Variants in GNPDA2 observed in about 807,000 individuals in gnomAD.
GNPDA2 encodes the protein glcN6P deaminase 2.
A neutral mutation model predicts 27.0 loss-of-function variants in GNPDA2; 24 were observed. The observed-to-expected ratio is 0.89, with a 90% CI of 0.64 to 1.25. The LOEUF (loss-of-function observed/expected upper bound fraction) is 1.25, where lower values mean the gene tolerates loss of function less well. Ranked by LOEUF, GNPDA2 falls within the 50% of genes most tolerant of loss-of-function variation. The probability of loss-of-function intolerance (pLI) is 0.00; values close to 1 mark genes in which losing one functional copy is unlikely to be tolerated. For synonymous variants in GNPDA2, 94 were observed against 108.4 expected (o/e 0.87, Z 0.83); for missense variants, 286 against 335.1 (o/e 0.85, Z 1.14).
chr4:44,724,196 A>G (rs1004049235), intron 1 of GNPDA2, among the ~76,000 whole-genome samples: 1 of 151,904 alleles, frequency 6.6e-6, no homozygotes, highest in African/African-American at 2.4e-5. Flanking sequence ...TTAGGAAGTC[A>G]GCACAAATTG....
At position 44,711,012 on chromosome 4, in the gene GNPDA2, A is replaced by G. The variant is rs1447537559; in HGVS notation, c.535T>C (p.Ser179Pro). 1.2e-6 allele frequency: 2 copies of G among 1,613,262 alleles called. No homozygotes were observed. The highest frequency in any genetic ancestry group is 1.7e-5 in the Admixed American group (1 of 59,886). Residue 179 changes from serine (S) to proline (P), a missense_variant, in exon 5 of 7, where the codon TCA becomes CCA. Ser to Pro is a moderately conservative substitution (Grantham distance 74). Transcript: ENST00000295448. Reference sequence around the variant, plus strand: ...GTTAGAGCCATAGTTGGCACTTTTGATAAATCTCCATCAAAATATTTGGCA... The same window carrying G: ...GTTAGAGCCATAGTTGGCACTTTTGGTAAATCTCCATCAAAATATTTGGCA... Reference protein sequence around the residue: ...ANAKYFDGDLSKVPTMALTVG... With the variant: ...ANAKYFDGDLPKVPTMALTVG...
chr4:44,717,056 T>A lies in GNPDA2; in HGVS notation c.409+57A>T. ...AATGGGAAGATTTATTTTTTAAATTTAAAAATCCCTAATTCAAACACTAAC... is the reference window on the plus strand; with the variant it reads ...AATGGGAAGATTTATTTTTTAAATTAAAAAATCCCTAATTCAAACACTAAC... On this transcript the variant is annotated intron_variant, in intron 4 of 6. Transcript: ENST00000295448. The A allele has an allele frequency of 2.4e-6, 3 of 1,261,106 alleles. 1 individual carries two copies. Among genetic ancestry groups the A allele is most frequent in the South Asian group, 2.8e-5 (2 of 71,306 alleles). The allele number at this position is 1,261,106 out of a possible 1,614,324, so 78.1% of individuals were successfully genotyped here. A position where few individuals can be genotyped will look rare whatever the true frequency, so the allele number is the denominator to read the frequency against.
rs1577591912 is a variant in GNPDA2 at position 44,717,030 on chromosome 4, C to T, written c.409+83G>A. 7 of 957,442 alleles carry T rather than the reference C, an allele frequency of 7.3e-6. No individual in the cohort carries two copies. In the East Asian group the frequency reaches 1.5e-4, roughly 21 times the overall value. 59.3% of individuals were successfully genotyped at this position (957,442 alleles called of 1,614,324 possible). ...AGCCACAGGTGCTCTTTACATTACA[C>T]AATGGGAAGATTTATTTTTTAAATT... On this transcript the variant is annotated intron_variant, in intron 4 of 6. Coordinates refer to ENST00000295448, the MANE Select transcript of GNPDA2 (RefSeq NM_138335.3).
At position 44,717,172 on chromosome 4, in the gene GNPDA2, TC is replaced by T. The variant is rs760410362; in HGVS notation, c.349del (p.Glu117AsnfsTer9). On this transcript the variant is annotated frameshift_variant, in exon 4 of 7. Coordinates refer to ENST00000295448, the MANE Select transcript of GNPDA2 (RefSeq NM_138335.3). LOFTEE classifies it high-confidence loss of function. ...LDGNAADLQA[E>X]CDAFENKIKE... Reference sequence around the variant, plus strand: ...TATTTTGTTTTCAAAAGCATCACATTCTGCTTGTAAATCTGCAGCATTCCCG... The same window carrying T: ...TATTTTGTTTTCAAAAGCATCACATTTGCTTGTAAATCTGCAGCATTCCCG... 1 of 1,610,008 alleles carries T rather than the reference TC, an allele frequency of 6.2e-7. No homozygotes were observed. The highest frequency in any genetic ancestry group is 8.5e-7 in the Non-Finnish European group (1 of 1,178,034).
chr4:44,719,232 T>C (rs1194488027), intron 2 of GNPDA2, among the ~76,000 whole-genome samples: 2 of 152,020 alleles, frequency 1.3e-5, no homozygotes, highest in African/African-American at 4.8e-5. Flanking sequence ...ACAAGTTATC[T>C]GGCCGTCCCA....
intron 5 of GNPDA2, among the ~76,000 whole-genome samples, chr4:44,708,500 T>C (rs1716754428): frequency 2.2e-5 from 2 of 92,654 alleles, no homozygotes; most frequent in Non-Finnish European, 5.5e-5. Flanking sequence ...AACTGTCTTA[T>C]AAGCACATAG....
chr4:44,721,355 C>T (rs1717656357), intron 2 of GNPDA2, among the ~76,000 whole-genome samples: 1 of 152,094 alleles, frequency 6.6e-6, no homozygotes, highest in Non-Finnish European at 1.5e-5. Context: ...TTATCCTTAT[C>T]TTTCTTATAG....
chr4:44,708,684 A>G (rs1006743934), intron 5 of GNPDA2, among the ~76,000 whole-genome samples: 4 of 138,264 alleles, frequency 2.9e-5, no homozygotes, highest in African/African-American at 8.1e-5. Flanking sequence ...AATTGATCCC[A>G]TTTAACACCT....
Position 44,702,955 on chromosome 4 carries a change from A to C in GNPDA2, c.*126T>G. ...AAAATATGGAATGTTTAACATAGAG[A>C]CTCGAATGAAAAAATGACAATCTTC... is the stretch of plus-strand genomic sequence containing the variant. On this transcript the variant is annotated 3_prime_UTR_variant, in exon 7 of 7. Coordinates refer to ENST00000295448, the MANE Select transcript of GNPDA2 (RefSeq NM_138335.3). The C allele has an allele frequency of 6.6e-7, 1 of 1,523,318 alleles. No individual in the cohort carries two copies. The highest frequency in any genetic ancestry group is 1.3e-5 in the South Asian group (1 of 78,638). The allele number at this position is 1,523,318 out of a possible 1,614,324, so 94.4% of individuals were successfully genotyped here. A position where few individuals can be genotyped will look rare whatever the true frequency, so the allele number is the denominator to read the frequency against.
chr4:44,714,186 G>A (rs1301500944), intron 4 of GNPDA2: 2 of 343,608 alleles, frequency 5.8e-6, no homozygotes, highest in Non-Finnish European at 8.2e-6. Flanking sequence ...TGTTGGTCAG[G>A]CTGGTGTCGA....
At chr4:44,703,383 T>G (rs1384240665) in intron 6 of GNPDA2, 2 of 1,239,356 alleles carry the variant, frequency 1.6e-6, no homozygotes, top group East Asian at 3.8e-5. Context: ...TACAGGTACT[T>G]TGGGAGTAAC....
Position 44,702,067 on chromosome 4 carries a change from C to A in GNPDA2, c.*1014G>T. 1 of 985,420 alleles carries A rather than the reference C, an allele frequency of 1.0e-6. No homozygotes were observed. The highest frequency in any genetic ancestry group is 1.2e-6 in the Non-Finnish European group (1 of 829,730). 61.0% of individuals were successfully genotyped at this position (985,420 alleles called of 1,614,324 possible). A position where few individuals can be genotyped will look rare whatever the true frequency, so the allele number is the denominator to read the frequency against. Reference sequence around the variant, plus strand: ...CTCCTAATGCATGATGGTAACAAACCCAAAATGAATGCAGGTTCACATGTA... The same window carrying A: ...CTCCTAATGCATGATGGTAACAAACACAAAATGAATGCAGGTTCACATGTA... On this transcript the variant is annotated 3_prime_UTR_variant, in exon 7 of 7. Coordinates refer to ENST00000295448, the MANE Select transcript of GNPDA2 (RefSeq NM_138335.3).
intron 1 of GNPDA2, among the ~76,000 whole-genome samples, chr4:44,723,809 G>C (rs1448727382): frequency 1.3e-5 from 2 of 152,084 alleles, no homozygotes; most frequent in Non-Finnish European, 2.9e-5. Context: ...CATGGGGTGG[G>C]AGTGGGCCCA....
At chr4:44,719,243 A>C (rs1717519065) in intron 2 of GNPDA2, among the ~76,000 whole-genome samples, 1 of 151,976 alleles carries the variant, frequency 6.6e-6, no homozygotes, top group South Asian at 2.1e-4. Context: ...GGCCGTCCCA[A>C]TCCTAGTTGG....
intron 6 of GNPDA2, chr4:44,703,619 T>C: frequency 2.0e-6 from 2 of 983,746 alleles, no homozygotes. Context: ...TGTGTATTTA[T>C]GACAAAGGTT....
At chr4:44,706,998 CT>C (rs1275169584) in intron 6 of GNPDA2, 1 of 151,918 alleles carries the variant, frequency 6.6e-6, no homozygotes, top group African/African-American at 2.4e-5. Context: ...TGAAAATTAC[CT>C]GTTTGTACAG....
rs145396953 is a variant in GNPDA2, at chr4:44,722,141, G to A, written c.67C>T (p.Arg23Cys). ...TGTCCAGGTTTGAACTGAATGATGC[G>A]ATTACAGATGTATTTGGCTGCCCAT... ...SEWAAKYICNRIIQFKPGQDR... is the reference protein window; with the variant it reads ...SEWAAKYICNCIIQFKPGQDR... The change falls in exon 2 of 7, where the codon CGC (arginine) becomes TGC (cysteine). Residue 23 changes from arginine to cysteine, a missense_variant. By Grantham distance (180) the Arg-to-Cys change is radical. Coordinates refer to ENST00000295448, the MANE Select transcript of GNPDA2 (RefSeq NM_138335.3). 2,935 of 1,613,294 alleles carry A rather than the reference G, an allele frequency of 1.8e-3. 42 individuals are homozygous for A. Among genetic ancestry groups the A allele is most frequent in the East Asian group, 1.1e-3 (48 of 44,850 alleles).
At chr4:44,707,222 A>G (rs1407358278) in intron 6 of GNPDA2, 3 of 152,536 alleles carry the variant, frequency 2.0e-5, no homozygotes, top group Admixed American at 6.6e-5. Flanking sequence ...GGGCAATCAA[A>G]CTCCTGCTTA....
intron 2 of GNPDA2, among the ~76,000 whole-genome samples, chr4:44,720,257 T>C (rs1717582225): frequency 1.3e-5 from 2 of 152,142 alleles, no homozygotes; most frequent in Non-Finnish European, 1.5e-5. Context: ...TTTCCCATTT[T>C]GAAGACAAAA....
Sources: gnomAD v4.1 joint callset for allele counts (sites outside exome capture counted in the v4.1 genomes callset) on GRCh38, gnomAD v4.1.1 for gene constraint, MANE v1.5 for transcripts, NCBI Gene and HGNC (gene_info 2026-07-23, HGNC 2026-07-21) for gene names.